The following COL24A1 variants were observed in gnomAD, a reference collection of about 807,000 sequenced individuals.
The protein encoded by COL24A1 is collagen alpha-1(XXIV) chain.
Under a neutral mutation model 253.9 loss-of-function variants are expected in COL24A1, and 224 were observed. That is an observed-to-expected ratio of 0.88 (90% CI 0.79 to 0.99). The LOEUF (loss-of-function observed/expected upper bound fraction) is 0.99, where lower values mean the gene tolerates loss of function less well. COL24A1 is among the 50% of genes least tolerant of loss of function. The probability of loss-of-function intolerance (pLI) is 0.00; values close to 1 mark genes in which losing one functional copy is unlikely to be tolerated. For missense variants in COL24A1, 2,131 were observed against 2,068.5 expected (o/e 1.03, Z -0.59); for synonymous variants, 685 against 673.7 (o/e 1.02, Z -0.26).
intron 7 of COL24A1, among the ~76,000 whole-genome samples, chr1:86,072,712 G>A (rs1307836781): frequency 1.3e-5 from 2 of 152,124 alleles, no homozygotes; most frequent in Admixed American, 6.5e-5. Flanking sequence ...AGCAGGGGTC[G>A]ACAGACACCT....
At chr1:86,153,780 T>A (rs138124146) in intron 1 of COL24A1, among the ~76,000 whole-genome samples, 99 of 152,336 alleles carry the variant, frequency 6.5e-4, no homozygotes, top group Middle Eastern at 6.8e-3. Flanking sequence ...ATTCCAAAAT[T>A]CCTTTTTGGT....
At chr1:85,898,224 A>G (rs1443628198) in intron 28 of COL24A1, among the ~76,000 whole-genome samples, 1 of 152,242 alleles carries the variant, frequency 6.6e-6, no homozygotes, top group Non-Finnish European at 1.5e-5. Flanking sequence ...CCAGGACAAC[A>G]TACAGATTTG....
chr1:85,806,191 T>C (rs1043446999), intron 47 of COL24A1, among the ~76,000 whole-genome samples: 15 of 152,112 alleles, frequency 9.9e-5, no homozygotes, highest in African/African-American at 3.6e-4. Flanking sequence ...TCAAGACAAA[T>C]CTAATAACAA....
At chr1:86,086,606 A>G (rs1409775448) in intron 7 of COL24A1, among the ~76,000 whole-genome samples, 1 of 152,224 alleles carries the variant, frequency 6.6e-6, no homozygotes, top group Non-Finnish European at 1.5e-5. Flanking sequence ...AACCTACTCC[A>G]TAAAATTAGA....
chr1:86,121,546 A>T (rs1400134728), intron 3 of COL24A1, among the ~76,000 whole-genome samples: 4 of 152,132 alleles, frequency 2.6e-5, no homozygotes, highest in Non-Finnish European at 5.9e-5. Context: ...AGATTTAAAA[A>T]ATATGAAAGA....
At chr1:85,950,563 C>A (rs1297350814) in intron 24 of COL24A1, among the ~76,000 whole-genome samples, 4 of 152,064 alleles carry the variant, frequency 2.6e-5, no homozygotes, top group Admixed American at 1.3e-4. Flanking sequence ...CAGCCTCAAA[C>A]AATGGCATAA....
chr1:85,892,607 T>C (rs1683244627), intron 31 of COL24A1, among the ~76,000 whole-genome samples: 1 of 152,066 alleles, frequency 6.6e-6, no homozygotes, highest in Non-Finnish European at 1.5e-5. Flanking sequence ...AAAGTATGTA[T>C]TTCATTTACA....
intron 47 of COL24A1, among the ~76,000 whole-genome samples, chr1:85,796,601 G>T (rs1670830015): frequency 1.3e-5 from 2 of 152,108 alleles, no homozygotes. Context: ...GCAGTTTTTT[G>T]ACCATGATTA....
intron 55 of COL24A1, among the ~76,000 whole-genome samples, chr1:85,747,231 A>C (rs896631266): frequency 6.7e-6 from 1 of 149,942 alleles, no homozygotes; most frequent in Non-Finnish European, 1.5e-5. Context: ...CCTGCCTCTC[A>C]GCCTCCCAAG....
chr1:86,071,137 T>G (rs1701845438), intron 7 of COL24A1, among the ~76,000 whole-genome samples: 1 of 152,126 alleles, frequency 6.6e-6, no homozygotes, highest in African/African-American at 2.4e-5. Context: ...TTTTTACATG[T>G]TTTTTGGTTT....
intron 2 of COL24A1, among the ~76,000 whole-genome samples, chr1:86,129,329 T>C (rs1648799825): frequency 6.6e-6 from 1 of 151,706 alleles, no homozygotes; most frequent in South Asian, 2.1e-4. Flanking sequence ...TATTTATTCT[T>C]AAGTCTGTCA....
chr1:85,736,259 C>A (rs1214969457), intron 58 of COL24A1: 1 of 455,734 alleles, frequency 2.2e-6, no homozygotes, highest in African/African-American at 2.0e-5. Flanking sequence ...ACTGTTCATC[C>A]CAGTACTTCT....
At chr1:86,053,451 T>G (rs2101702146) in intron 10 of COL24A1, among the ~76,000 whole-genome samples, 1 of 152,220 alleles carries the variant, frequency 6.6e-6, no homozygotes, top group South Asian at 2.1e-4. Context: ...ACACTGATTC[T>G]AACAGAAATA....
intron 7 of COL24A1, among the ~76,000 whole-genome samples, chr1:86,075,540 TTA>T (rs1157717304): frequency 6.6e-6 from 1 of 152,176 alleles, no homozygotes; most frequent in African/African-American, 2.4e-5. Context: ...TTAACTCATT[TTA>T]TGAGGCCAGC....
intron 47 of COL24A1, among the ~76,000 whole-genome samples, chr1:85,797,148 A>G (rs1177878044): frequency 6.8e-6 from 1 of 146,908 alleles, no homozygotes; most frequent in African/African-American, 2.5e-5. Flanking sequence ...TGGAGGTTGC[A>G]GCGAGCTGAG....
At chr1:85,812,012 G>A (rs1191353733) in intron 47 of COL24A1, among the ~76,000 whole-genome samples, 2 of 152,130 alleles carry the variant, frequency 1.3e-5, no homozygotes, top group East Asian at 1.9e-4. Context: ...TGCCCTCTCT[G>A]TCAAATGCAA....
At chr1:85,809,071 C>G (rs1397260341) in intron 47 of COL24A1, among the ~76,000 whole-genome samples, 2 of 152,130 alleles carry the variant, frequency 1.3e-5, no homozygotes, top group Non-Finnish European at 2.9e-5. Flanking sequence ...TCAAAAAACC[C>G]AATCTTATGT....
At chr1:86,133,127 G>A (rs1337474092) in intron 2 of COL24A1, among the ~76,000 whole-genome samples, 31 of 152,112 alleles carry the variant, frequency 2.0e-4, no homozygotes, top group Admixed American at 2.0e-3. Context: ...TTGTGAATGG[G>A]AGTTCACTCA....
chr1:86,060,334 T>C (rs1271431504), intron 8 of COL24A1, among the ~76,000 whole-genome samples: 1 of 152,150 alleles, frequency 6.6e-6, no homozygotes, highest in Non-Finnish European at 1.5e-5. Context: ...CAACAATGTT[T>C]AAGTTGGCTA....
Sources: gnomAD v4.1 joint callset for allele counts (sites outside exome capture counted in the v4.1 genomes callset) on GRCh38, gnomAD v4.1.1 for gene constraint, MANE v1.5 for transcripts, NCBI Gene and HGNC (gene_info 2026-07-23, HGNC 2026-07-21) for gene names.